TCF4: variants seen among roughly 807,000 people sequenced by gnomAD.
The protein encoded by TCF4 is SL3-3 enhancer factor 2.
In TCF4, 3 loss-of-function variants were observed where a neutral mutation model predicts 82.1. The ratio of observed to expected loss-of-function variants is 0.04; its 90% CI spans 0.02 to 0.09. TCF4 has a LOEUF of 0.09. Ranked by LOEUF, TCF4 falls within the 10% of genes least tolerant of loss-of-function variation. The pLI is 1.00. For synonymous variants in TCF4, 276 were observed against 309.6 expected, an observed-to-expected ratio of 0.89 and a Z score of 1.14; for missense variants, 518 against 852.7, an observed-to-expected ratio of 0.61 and a Z score of 4.89.
At chr18:55,238,560 G>A (rs1288894889) in intron 15 of TCF4, among the ~76,000 whole-genome samples, 1 of 152,176 alleles carries the variant, frequency 6.6e-6, no homozygotes, top group Non-Finnish European at 1.5e-5. Flanking sequence ...AGTTTTAATA[G>A]TAAGGAAGAG....
intron 6 of TCF4, among the ~76,000 whole-genome samples, chr18:55,390,307 A>AAAG (rs1556003273): frequency 0.063 from 8,715 of 137,592 alleles, 323 homozygotes; most frequent in African/African-American, 0.077. Context: ...AAAAAAAAAA[A>AAAG]AAAGAAAGAA....
intron 15 of TCF4, among the ~76,000 whole-genome samples, chr18:55,243,459 G>A (rs892935933): frequency 6.6e-6 from 1 of 152,128 alleles, no homozygotes; most frequent in Non-Finnish European, 1.5e-5. Context: ...CAGCTATACA[G>A]TAATAGTTTC....
At chr18:55,488,247 C>G (rs897741639) in intron 3 of TCF4, among the ~76,000 whole-genome samples, 14 of 152,200 alleles carry the variant, frequency 9.2e-5, no homozygotes, top group Admixed American at 6.5e-5. Flanking sequence ...ATGTGACACA[C>G]ATACATTCCG....
In TCF4 at chr18:55,448,695, G is replaced by A. The variant is rs150499987; in HGVS notation, c.304+12324C>T. The stretch of plus-strand genomic sequence containing the variant: ...TAAAGTGCTTGCAAGCAACATTACC[G>A]TGTAGTTACTACAGTTGTAGAGATA... On this transcript the variant is annotated intron_variant, in intron 5 of 19. Coordinates refer to ENST00000354452, the MANE Select transcript of TCF4 (RefSeq NM_001083962.2). 6.4e-4 allele frequency among the ~76,000 whole-genome samples: 97 copies of A among 152,322 alleles called. 1 individual carries two copies. Among genetic ancestry groups the A allele is most frequent in the Middle Eastern group, 3.4e-3 (1 of 294 alleles).
intron 15 of TCF4, 61 bp from the exon 16 acceptor site, chr18:55,234,744 A>G (rs2048871101): frequency 1.2e-6 from 2 of 1,611,634 alleles, no homozygotes; most frequent in Non-Finnish European, 1.7e-6. Flanking sequence ...AGCTATTTCC[A>G]GAGGCCAAGA....
intron 3 of TCF4, among the ~76,000 whole-genome samples, chr18:55,477,966 T>TA (rs1034676555): frequency 6.6e-6 from 1 of 152,168 alleles, no homozygotes; most frequent in African/African-American, 2.4e-5. Flanking sequence ...GTACTGGTCT[T>TA]ACCAATTCAG....
chr18:55,487,406 T>C (rs2096528548), intron 3 of TCF4, among the ~76,000 whole-genome samples: 1 of 152,216 alleles, frequency 6.6e-6, no homozygotes, highest in African/African-American at 2.4e-5. Context: ...ACAGGAACTC[T>C]GGGCACCTAT....
chr18:55,369,105 T>C (rs751065124), intron 6 of TCF4, among the ~76,000 whole-genome samples: 1 of 152,210 alleles, frequency 6.6e-6, no homozygotes, highest in Non-Finnish European at 1.5e-5. Flanking sequence ...CTGTTGAAAC[T>C]GGATAATGAA....
chr18:55,242,085 T>A (rs2051430977), intron 15 of TCF4, among the ~76,000 whole-genome samples: 1 of 152,202 alleles, frequency 6.6e-6, no homozygotes, highest in Non-Finnish European at 1.5e-5. Flanking sequence ...GCTAGTTTTT[T>A]CCTCCTAACT....
At chr18:55,330,794 C>A (rs931178903) in intron 8 of TCF4, among the ~76,000 whole-genome samples, 2 of 151,930 alleles carry the variant, frequency 1.3e-5, no homozygotes, top group Non-Finnish European at 2.9e-5. Flanking sequence ...GTCTTGAACT[C>A]CTGACCTCGT....
intron 5 of TCF4, among the ~76,000 whole-genome samples, chr18:55,437,638 T>C (rs1450319238): frequency 6.6e-6 from 1 of 152,130 alleles, no homozygotes; most frequent in Non-Finnish European, 1.5e-5. Context: ...AATGTGTAGG[T>C]CAGAAATTCC....
chr18:55,541,127 T>C lies in TCF4; in HGVS notation c.145+44153A>G, dbSNP rs145903292. Among the ~76,000 whole-genome samples the C allele has an allele frequency of 2.5e-4, 38 of 152,102 alleles. No homozygotes were observed. In the East Asian group the frequency reaches 6.6e-3, roughly 26 times the overall value. On this transcript the variant is annotated intron_variant, in intron 3 of 19. Coordinates refer to ENST00000354452, the MANE Select transcript of TCF4 (RefSeq NM_001083962.2). ...AGATCTCTCTTGCCTTCTATGCCCA[T>C]AAAGTGATACATTCCTGTTAAATGC...
intron 3 of TCF4, among the ~76,000 whole-genome samples, chr18:55,559,040 C>A (rs1244925447): frequency 1.6e-5 from 2 of 129,026 alleles, no homozygotes; most frequent in African/African-American, 2.8e-5. Flanking sequence ...TATCTCCCCC[C>A]TAAAAAAAAA....
chr18:55,413,052 G>C (rs766504196), intron 5 of TCF4, among the ~76,000 whole-genome samples: 6 of 152,064 alleles, frequency 3.9e-5, no homozygotes, highest in Non-Finnish European at 7.4e-5. Flanking sequence ...AGTTTACAGT[G>C]AACAAGAATA....
chr18:55,222,785 C>T lies in TCF4; in HGVS notation c.*5250G>A, dbSNP rs2046042251. On this transcript the variant is annotated 3_prime_UTR_variant, in exon 20 of 20. Coordinates refer to ENST00000354452, the MANE Select transcript of TCF4 (RefSeq NM_001083962.2). ...TCTACAAAAATATTAACTTACAGTA[C>T]ATAACACTGAATAATTTTAATCTGT... The T allele has an allele frequency of 6.6e-6, 1 of 152,606 alleles. No individual in the cohort carries two copies. The highest frequency in any genetic ancestry group is 1.5e-5 in the Non-Finnish European group (1 of 68,042). The allele number at this position is 152,606 out of a possible 1,614,324, so 9.5% of individuals were successfully genotyped here. A position where few individuals can be genotyped will look rare whatever the true frequency, so the allele number is the denominator to read the frequency against.
Position 55,228,371 on chromosome 18 carries a change from A to T in TCF4, c.1880-10T>A. Reference sequence around the variant, plus strand: ...GGATTCAGATTCCTTTCTGTGGAGGATTAAAGCACAGAACCTTTGTTTAAT... The same window carrying T: ...GGATTCAGATTCCTTTCTGTGGAGGTTTAAAGCACAGAACCTTTGTTTAAT... On this transcript the variant is annotated splice_polypyrimidine_tract_variant and intron_variant, in intron 18 of 19. Coordinates refer to ENST00000354452, the MANE Select transcript of TCF4 (RefSeq NM_001083962.2). 6.2e-7 allele frequency: 1 copy of T among 1,613,560 alleles called. No homozygotes were observed. The highest frequency in any genetic ancestry group is 8.5e-7 in the Non-Finnish European group (1 of 1,180,006).
intron 2 of TCF4, among the ~76,000 whole-genome samples, chr18:55,602,575 A>T (rs1196246773): frequency 6.6e-6 from 1 of 152,182 alleles, no homozygotes; most frequent in Non-Finnish European, 1.5e-5. Flanking sequence ...CATATTCCAA[A>T]TCTCAATAAA....
rs533932332 is a variant in TCF4, at chr18:55,633,836, G to T, written c.195+1867C>A. On this transcript the variant is annotated intron_variant, in intron 1 of 20. Coordinates refer to the TCF4 transcript ENST00000398339. This position sits in a 1 kb window ranked among gnomAD's most constrained non-coding sequence, Gnocchi z 4.0. ...TTGTCAACCCTTGATATAGAGCATA[G>T]CCAGGAGAAACAGCTGTATACAAAG... Among the ~76,000 whole-genome samples, 2 of 151,994 alleles carry T rather than the reference G, an allele frequency of 1.3e-5. No individual in the cohort carries two copies. Among genetic ancestry groups the T allele is most frequent in the Non-Finnish European group, 2.9e-5 (2 of 67,986 alleles).
intron 10 of TCF4, among the ~76,000 whole-genome samples, chr18:55,271,812 G>C (rs1425326800): frequency 6.6e-6 from 1 of 151,920 alleles, no homozygotes; most frequent in Non-Finnish European, 1.5e-5. Flanking sequence ...CAGGGATAGA[G>C]GTATTTCTGC....
Sources: gnomAD v4.1 joint callset for allele counts (sites outside exome capture counted in the v4.1 genomes callset) on GRCh38, gnomAD v4.1.1 for gene constraint, Gnocchi (gnomAD v3.1) non-coding constraint, MANE v1.5 for transcripts, NCBI Gene and HGNC (gene_info 2026-07-23, HGNC 2026-07-21) for gene names.